Variants in ENPP3 observed in about 807,000 individuals in gnomAD.
The protein encoded by ENPP3 is ectonucleotide pyrophosphatase/phosphodiesterase family member 3.
ENPP3 carries 104 observed loss-of-function variants against 117.8 expected under a neutral mutation model. The observed-to-expected ratio is 0.88, with a 90% confidence interval of 0.75 to 1.04. The LOEUF (loss-of-function observed/expected upper bound fraction) is 1.04, where lower values mean the gene tolerates loss of function less well. ENPP3 is among the 50% of genes least tolerant of loss of function. The probability of loss-of-function intolerance (pLI) is 0.00; values close to 1 mark genes in which losing one functional copy is unlikely to be tolerated. For missense variants in ENPP3, 1,026 were observed against 1,051.9 expected, an observed-to-expected ratio of 0.98 and a Z score of 0.34; for synonymous variants, 380 against 349.9, an observed-to-expected ratio of 1.09 and a Z score of -0.96.
chr6:131,647,283 T>C (rs1427358111), intron 2 of ENPP3, among the ~76,000 whole-genome samples: 2 of 152,216 alleles, frequency 1.3e-5, no homozygotes, highest in East Asian at 3.8e-4. Flanking sequence ...CAATAATGTG[T>C]TAAAATAACT....
At chr6:131,648,446 G>C (rs532029698) in intron 2 of ENPP3, among the ~76,000 whole-genome samples, 1 of 152,072 alleles carries the variant, frequency 6.6e-6, no homozygotes, top group African/African-American at 2.4e-5. Context: ...TAGCTGGCCA[G>C]TTGTCCCATT....
intron 5 of ENPP3, among the ~76,000 whole-genome samples, chr6:131,656,845 G>A (rs1295353610): frequency 6.6e-6 from 1 of 152,004 alleles, no homozygotes; most frequent in Non-Finnish European, 1.5e-5. Flanking sequence ...AATTAAGGGT[G>A]TTTTAGCTAC....
Position 131,747,044 on chromosome 6 carries a change from AAAGTT to A in ENPP3, c.*89_*93del. The A allele has an allele frequency of 1.5e-6, 1 of 681,564 alleles. No homozygotes were observed. Among genetic ancestry groups the A allele is most frequent in the South Asian group, 3.5e-5 (1 of 28,498 alleles). 42.2% of individuals were successfully genotyped at this position (681,564 alleles called of 1,614,324 possible). ...ATTTTTTTCTGGAGAATTGTAAAAT[AAAGTT>A]TTCTATTTTTCCTTAAGTCCCCTAA... On this transcript the variant is annotated 3_prime_UTR_variant, in exon 25 of 25. Transcript: ENST00000357639.
At chr6:131,639,790 T>A (rs1478278452) in intron 1 of ENPP3, among the ~76,000 whole-genome samples, 1 of 152,108 alleles carries the variant, frequency 6.6e-6, no homozygotes, top group Non-Finnish European at 1.5e-5. Flanking sequence ...AGAAGCTTTT[T>A]TGGAATTACA....
rs559909229 is a variant in ENPP3 at position 131,687,730 on chromosome 6, C to A, written c.1284+1823C>A. Among the ~76,000 whole-genome samples, 5 of 152,094 alleles carry A rather than the reference C, an allele frequency of 3.3e-5. 1 individual carries two copies. The South Asian group carries it at 1.0e-3, about 32-fold the overall frequency. Reference sequence around the variant, plus strand: ...TCTCAAAAGAAGACATACAAGTAGCCAGCAAACATGTTAAAAAATACTCAG... The same window carrying A: ...TCTCAAAAGAAGACATACAAGTAGCAAGCAAACATGTTAAAAAATACTCAG... On this transcript the variant is annotated intron_variant, in intron 14 of 24. Transcript: ENST00000357639.
intron 24 of ENPP3, among the ~76,000 whole-genome samples, chr6:131,742,144 A>G (rs1013863343): frequency 2.6e-5 from 4 of 152,172 alleles, no homozygotes; most frequent in Non-Finnish European, 5.9e-5. Flanking sequence ...GCCACTCACT[A>G]TTCTTAAAAT....
intron 20 of ENPP3, among the ~76,000 whole-genome samples, chr6:131,728,231 A>C (rs1413182466): frequency 6.6e-6 from 1 of 152,168 alleles, no homozygotes; most frequent in African/African-American, 2.4e-5. Context: ...TGGCATACTC[A>C]GGGTCAGTCC....
intron 16 of ENPP3, 66 bp from the exon 17 acceptor site, chr6:131,720,226 T>A: frequency 1.0e-6 from 1 of 1,001,640 alleles, no homozygotes; most frequent in Non-Finnish European, 1.5e-6. Context: ...AAATTTTGTC[T>A]CTTCCTATAT....
At chr6:131,642,322 A>G (rs1050999562) in intron 2 of ENPP3, among the ~76,000 whole-genome samples, 3 of 152,158 alleles carry the variant, frequency 2.0e-5, no homozygotes, top group East Asian at 3.9e-4. Flanking sequence ...CAAATTCTTG[A>G]AAAGTAGTGC....
intron 7 of ENPP3, among the ~76,000 whole-genome samples, chr6:131,671,941 AT>A (rs1451289028): frequency 6.6e-6 from 1 of 152,214 alleles, no homozygotes; most frequent in Non-Finnish European, 1.5e-5. Flanking sequence ...CTCAAAGGAT[AT>A]TTGTGTCTTC....
chr6:131,682,715 G>A (rs1024431587), intron 11 of ENPP3, among the ~76,000 whole-genome samples: 5 of 152,150 alleles, frequency 3.3e-5, no homozygotes, highest in Non-Finnish European at 7.4e-5. Flanking sequence ...GGCTGTCTTA[G>A]AAGTATCTGT....
intron 11 of ENPP3, among the ~76,000 whole-genome samples, chr6:131,680,682 T>A (rs542345102): frequency 6.6e-6 from 1 of 152,316 alleles, no homozygotes; most frequent in South Asian, 2.1e-4. Context: ...TAATATGACT[T>A]ATAAATTGAC....
intron 9 of ENPP3, among the ~76,000 whole-genome samples, chr6:131,675,829 G>A (rs1293923239): frequency 2.6e-5 from 4 of 152,100 alleles, no homozygotes; most frequent in East Asian, 1.9e-4. Flanking sequence ...GCGACAGAGC[G>A]CGACTCCGTC....
rs150451745 is a variant in ENPP3 at position 131,648,882 on chromosome 6, T to A, written c.155-1145T>A. 2.2e-3 allele frequency among the ~76,000 whole-genome samples: 329 copies of A among 152,366 alleles called. 1 individual carries two copies. The highest frequency in any genetic ancestry group is 9.1e-3 in the East Asian group (47 of 5,184). On this transcript the variant is annotated intron_variant, in intron 2 of 24. Coordinates refer to ENST00000357639, the MANE Select transcript of ENPP3 (RefSeq NM_005021.5). ...CCATTGCTTCTTATTCCTAATATGC[T>A]GATGACTCCAAGTCAGTATCTTTAG...
At chr6:131,685,247 T>C in intron 12 of ENPP3, 117 bp from the exon 13 acceptor site, 1 of 920,868 alleles carries the variant, frequency 1.1e-6, no homozygotes, top group South Asian at 1.6e-5. Context: ...GCGTAAATTC[T>C]CAGTGAAGCT....
intron 15 of ENPP3, chr6:131,701,245 T>C (rs1465590135): frequency 4.9e-6 from 7 of 1,431,226 alleles, no homozygotes; most frequent in Non-Finnish European, 6.7e-6. Context: ...GCGTGCAGTC[T>C]GGAGTCCAGT....
chr6:131,659,046 G>T (rs1233201521), intron 6 of ENPP3, among the ~76,000 whole-genome samples: 1 of 152,138 alleles, frequency 6.6e-6, no homozygotes, highest in Non-Finnish European at 1.5e-5. Context: ...GCATACAATG[G>T]GTGGTTTTAA....
At chr6:131,641,274 C>T (rs1464553135) in intron 1 of ENPP3, among the ~76,000 whole-genome samples, 181 bp from the exon 2 acceptor site, 1 of 152,006 alleles carries the variant, frequency 6.6e-6, no homozygotes, top group East Asian at 1.9e-4. Flanking sequence ...TTCTTAATTT[C>T]AAGCATTAAA....
intron 14 of ENPP3, among the ~76,000 whole-genome samples, chr6:131,686,429 C>A (rs1779154630): frequency 6.6e-6 from 1 of 152,072 alleles, no homozygotes; most frequent in Non-Finnish European, 1.5e-5. Flanking sequence ...CCTGGAGAGA[C>A]CTGGAATGGT....
Sources: gnomAD v4.1 joint callset for allele counts (sites outside exome capture counted in the v4.1 genomes callset) on GRCh38, gnomAD v4.1.1 for gene constraint, MANE v1.5 for transcripts, NCBI Gene and HGNC (gene_info 2026-07-23, HGNC 2026-07-21) for gene names.